MAP2K5: variants seen among roughly 807,000 people sequenced by gnomAD.
The protein encoded by MAP2K5 is mitogen-activated protein kinase kinase 5.
MAP2K5 carries 49 observed loss-of-function variants against 83.1 expected under a neutral mutation model. The observed-to-expected ratio is 0.59, with a 90% CI of 0.47 to 0.75. The LOEUF is 0.75. Ranked by LOEUF, MAP2K5 falls within the 30% of genes least tolerant of loss-of-function variation. The pLI is 0.00. For missense variants in MAP2K5, 457 were observed against 557.5 expected (o/e 0.82, Z 1.82); for synonymous variants, 202 against 191.8 (o/e 1.05, Z -0.44).
intron 20 of MAP2K5, among the ~76,000 whole-genome samples, chr15:67,772,180 A>G (rs1223774120): frequency 4.6e-5 from 7 of 152,222 alleles, no homozygotes; most frequent in Non-Finnish European, 2.9e-5. Context: ...CACACTTCTA[A>G]TTTTGTAGCA....
rs1389603758 is a variant in MAP2K5, at chr15:67,717,884, C to T, written c.1045-10032C>T. ...TGTTAAGGCCCAACCTCAGAAATTACACAGGATTGTTCCTGCCACATTCTG... is the reference window on the plus strand; with the variant it reads ...TGTTAAGGCCCAACCTCAGAAATTATACAGGATTGTTCCTGCCACATTCTG... On this transcript the variant is annotated intron_variant, in intron 16 of 21. Coordinates refer to ENST00000178640, the MANE Select transcript of MAP2K5 (RefSeq NM_145160.3). This position sits in a 1 kb window ranked among gnomAD's most constrained non-coding sequence, Gnocchi z 4.1. The T allele has an allele frequency of 1.3e-5, 2 of 152,190 alleles. No individual in the cohort carries two copies. The highest frequency in any genetic ancestry group is 3.9e-4 in the East Asian group (2 of 5,192). 9.4% of individuals were successfully genotyped at this position (152,190 alleles called of 1,614,324 possible). A position where few individuals can be genotyped will look rare whatever the true frequency, so the allele number is the denominator to read the frequency against.
rs1464791587 is a variant in MAP2K5, at chr15:67,559,582, A to G, written c.185-3701A>G. Among the ~76,000 whole-genome samples, 1 of 152,200 alleles carries G rather than the reference A, an allele frequency of 6.6e-6. No individual in the cohort carries two copies. Among genetic ancestry groups the G allele is most frequent in the Non-Finnish European group, 1.5e-5 (1 of 68,034 alleles). On this transcript the variant is annotated intron_variant, in intron 2 of 21. Transcript: ENST00000178640. This position sits in a 1 kb window ranked among gnomAD's most constrained non-coding sequence, Gnocchi z 4.7. ...CTGCAGATTTTGTGAAGATTGCTTC[A>G]TAATATTGGTTTACCATCTGCTGCA...
At chr15:67,594,712 C>A (rs1228143935) in intron 7 of MAP2K5, among the ~76,000 whole-genome samples, 1 of 152,110 alleles carries the variant, frequency 6.6e-6, no homozygotes, top group Non-Finnish European at 1.5e-5. Context: ...ATGTTTATTG[C>A]TTTCCCTTGG....
chr15:67,584,797 C>T (rs576282346), intron 4 of MAP2K5, among the ~76,000 whole-genome samples: 1 of 150,606 alleles, frequency 6.6e-6, no homozygotes, highest in South Asian at 2.1e-4. Context: ...TCCTGCCTCA[C>T]GACATTCTCC....
At position 67,563,348 on chromosome 15, in the gene MAP2K5, T is replaced by C; in HGVS notation, c.250T>C (p.Tyr84His). The change falls in exon 3 of 22, where the codon TAT (tyrosine) becomes CAT (histidine). Residue 84 changes from tyrosine to histidine, a missense_variant and splice_region_variant. By Grantham distance (83) the Tyr-to-His change is moderately conservative (BLOSUM62 2). Transcript: ENST00000178640. This position sits in a 1 kb window ranked among gnomAD's most constrained non-coding sequence, Gnocchi z 4.5. ...TGAGGAAATGAAGGCAATGCTGTCA[T>C]ATGTAAGTATACGACAAATGAAGAC... Reference protein sequence around the residue: ...SDEEMKAMLSYYYSTVMEQQV... With the variant: ...SDEEMKAMLSHYYSTVMEQQV... The C allele has an allele frequency of 6.2e-7, 1 of 1,609,674 alleles. No homozygotes were observed. The highest frequency in any genetic ancestry group is 1.1e-5 in the South Asian group (1 of 90,168).
In MAP2K5 at chr15:67,756,511, GTTAC is replaced by G. The variant is rs1254383865; in HGVS notation, c.1134+7912_1134+7915del. Among the ~76,000 whole-genome samples the G allele has an allele frequency of 7.6e-5, 10 of 132,428 alleles. No individual in the cohort carries two copies. In the South Asian group the frequency reaches 1.5e-3, roughly 20 times the overall value. 86.9% of individuals were successfully genotyped at this position (132,428 alleles called of 152,430 possible). On this transcript the variant is annotated intron_variant, in intron 19 of 21. Transcript: ENST00000178640. The stretch of plus-strand genomic sequence containing the variant: ...GCTAATATATCTAACCCCACACACA[GTTAC>G]TGTGTGTGTGTGTGTGTGTGTGTGT...
chr15:67,701,965 A>T lies in MAP2K5; in HGVS notation c.973-1372A>T, dbSNP rs1367628874. 3.3e-5 allele frequency among the ~76,000 whole-genome samples: 5 copies of T among 152,348 alleles called. No individual in the cohort carries two copies. In the East Asian group the frequency reaches 9.6e-4, roughly 29 times the overall value. Reference sequence around the variant, plus strand: ...GACAGTGCATTTAATGCTAACCCATAGCTCTAGACTTTGAACAAGTCACTT... The same window carrying T: ...GACAGTGCATTTAATGCTAACCCATTGCTCTAGACTTTGAACAAGTCACTT... On this transcript the variant is annotated intron_variant, in intron 15 of 21. Transcript: ENST00000178640.
intron 15 of MAP2K5, among the ~76,000 whole-genome samples, chr15:67,694,315 A>G (rs2088190637): frequency 6.6e-6 from 1 of 152,210 alleles, no homozygotes; most frequent in African/African-American, 2.4e-5. Flanking sequence ...GTCTTCCTCT[A>G]ACAAAGATAA....
chr15:67,769,601 G>T lies in MAP2K5; in HGVS notation c.1135-1G>T. 1 of 1,613,738 alleles carries T rather than the reference G, an allele frequency of 6.2e-7. No individual in the cohort carries two copies. Among genetic ancestry groups the T allele is most frequent in the South Asian group, 1.1e-5 (1 of 91,068 alleles). On this transcript the variant is annotated splice_acceptor_variant, in intron 19 of 21. Coordinates refer to ENST00000178640, the MANE Select transcript of MAP2K5 (RefSeq NM_145160.3). LOFTEE classifies it high-confidence loss of function. The surrounding 1 kb of genome is among the most constrained non-coding windows in gnomAD (Gnocchi z 5.2). ...GGTGACATGTTTTTCCTCCATCACA[G>T]GATTCGCCCGTCCTTCCAGTTGGAG...
Position 67,717,729 on chromosome 15 carries a change from G to T in MAP2K5, c.1045-10187G>T, listed in dbSNP as rs772975681. The stretch of plus-strand genomic sequence containing the variant: ...GAAGATCCAAGATGACTTCATATGC[G>T]TGTATGATGCTTTGGTGGGGATGGC... On this transcript the variant is annotated intron_variant, in intron 16 of 21. Transcript: ENST00000178640. This position sits in a 1 kb window ranked among gnomAD's most constrained non-coding sequence, Gnocchi z 4.1. 3.3e-5 allele frequency among the ~76,000 whole-genome samples: 5 copies of T among 152,176 alleles called. No individual in the cohort carries two copies. The highest frequency in any genetic ancestry group is 9.7e-5 in the African/African-American group (4 of 41,440).
intron 17 of MAP2K5, among the ~76,000 whole-genome samples, chr15:67,744,311 G>A (rs763043246): frequency 6.6e-6 from 1 of 152,180 alleles, no homozygotes; most frequent in Non-Finnish European, 1.5e-5. Flanking sequence ...AGAATGTGAT[G>A]CCAGTAGCAC....
At chr15:67,804,572 C>T (rs1029914744) in intron 21 of MAP2K5, among the ~76,000 whole-genome samples, 2 of 152,218 alleles carry the variant, frequency 1.3e-5, no homozygotes, top group African/African-American at 4.8e-5. Flanking sequence ...TGCGGCCATC[C>T]GCCCTTCTGG....
At position 67,665,541 on chromosome 15, in the gene MAP2K5, A is replaced by C. The variant is rs571874119; in HGVS notation, c.847+896A>C. On this transcript the variant is annotated intron_variant, in intron 13 of 21. Transcript: ENST00000178640. This position sits in a 1 kb window ranked among gnomAD's most constrained non-coding sequence, Gnocchi z 4.2. ...CTGTGAGATGGAGAAAACAACTGAT[A>C]TTTTCAACTGTGATGTCATATCTGT... Among the ~76,000 whole-genome samples, 1 of 152,266 alleles carries C rather than the reference A, an allele frequency of 6.6e-6. No individual in the cohort carries two copies. Among genetic ancestry groups the C allele is most frequent in the Admixed American group, 6.5e-5 (1 of 15,284 alleles).
chr15:67,663,272 C>A (rs1397418475), intron 12 of MAP2K5, among the ~76,000 whole-genome samples: 1 of 152,074 alleles, frequency 6.6e-6, no homozygotes, highest in African/African-American at 2.4e-5. Flanking sequence ...TCCAATAATA[C>A]CCTGTATAGA....
intron 2 of MAP2K5, among the ~76,000 whole-genome samples, chr15:67,560,495 A>G (rs776455601): frequency 1.2e-4 from 18 of 152,272 alleles, no homozygotes; most frequent in Non-Finnish European, 2.1e-4. Flanking sequence ...TATGCCATAT[A>G]AGCCTGATTT....
intron 19 of MAP2K5, among the ~76,000 whole-genome samples, chr15:67,756,605 A>G (rs1186899319): frequency 3.3e-5 from 5 of 150,790 alleles, no homozygotes; most frequent in African/African-American, 7.3e-5. Flanking sequence ...TTTTAAATAC[A>G]TAATACAGGA....
In MAP2K5 at chr15:67,586,881, C is replaced by G; in HGVS notation, c.399C>G (p.Ser133Arg). Residue 133 changes from serine (S) to arginine (R), a missense_variant, in exon 6 of 22, where the codon AGC (serine) becomes AGG (arginine). Ser to Arg is a moderately radical substitution (Grantham distance 110). This residue lies in a region of MAP2K5 where 234 missense variants were observed against 243.6 expected (regional missense o/e 0.96). Transcript: ENST00000178640. Reference sequence around the variant, plus strand: ...GGGCCGGACCCTCTCAACACAGCAGCCCAGCAGTCTCAGATTCACTTCCAA... The same window carrying G: ...GGGCCGGACCCTCTCAACACAGCAGGCCAGCAGTCTCAGATTCACTTCCAA... Reference protein sequence around the residue: ...NTRAGPSQHSSPAVSDSLPSN... With the variant: ...NTRAGPSQHSRPAVSDSLPSN... 6.2e-7 allele frequency: 1 copy of G among 1,614,180 alleles called. No individual in the cohort carries two copies. Among genetic ancestry groups the G allele is most frequent in the Non-Finnish European group, 8.5e-7 (1 of 1,180,040 alleles).
At chr15:67,666,840 C>T (rs1416142214) in intron 13 of MAP2K5, among the ~76,000 whole-genome samples, 1 of 152,174 alleles carries the variant, frequency 6.6e-6, no homozygotes, top group African/African-American at 2.4e-5. Context: ...CAAGGAATTT[C>T]AGTGAATGAG....
intron 11 of MAP2K5, among the ~76,000 whole-genome samples, chr15:67,653,741 G>C (rs2087005039): frequency 6.6e-6 from 1 of 150,866 alleles, no homozygotes; most frequent in South Asian, 2.1e-4. Context: ...GTTTTAGCTT[G>C]ATGTTCTCCT....
Sources: gnomAD v4.1 joint callset for allele counts (sites outside exome capture counted in the v4.1 genomes callset) on GRCh38, gnomAD v4.1.1 for gene constraint, gnomAD v4.1.1 regional missense constraint, Gnocchi (gnomAD v3.1) non-coding constraint, MANE v1.5 for transcripts, NCBI Gene and HGNC (gene_info 2026-07-23, HGNC 2026-07-21) for gene names.